PIK3C2G: variants seen among roughly 807,000 people sequenced by gnomAD.
The protein encoded by PIK3C2G is phosphatidylinositol-4-phosphate 3-kinase catalytic subunit type 2 gamma, also known as phosphatidylinositol 3-kinase C2 domain-containing subunit gamma.
In PIK3C2G, 168 loss-of-function variants were observed where a neutral mutation model predicts 181.1. That is an observed-to-expected ratio of 0.93 (90% CI 0.82 to 1.05). The LOEUF (loss-of-function observed/expected upper bound fraction) is 1.05, where lower values mean the gene tolerates loss of function less well. Among genes scored for constraint, PIK3C2G ranks in the 50% least tolerant of loss-of-function variants. The probability of loss-of-function intolerance (pLI) is 0.00; values close to 1 mark genes in which losing one functional copy is unlikely to be tolerated. For missense variants in PIK3C2G, 1,869 were observed against 1,732.8 expected (o/e 1.08, Z -1.40); for synonymous variants, 573 against 592.2 (o/e 0.97, Z 0.47).
At chr12:18,712,971 T>A in the PIK3C2G span, 6 of 1,613,820 alleles carry the variant, frequency 3.7e-6, no homozygotes, top group African/African-American at 1.3e-5. Flanking sequence ...AACAACGGCA[T>A]CCTTTCACAA....
At chr12:18,454,958 G>C (rs1013960205) in intron 18 of PIK3C2G, among the ~76,000 whole-genome samples, 2 of 152,108 alleles carry the variant, frequency 1.3e-5, no homozygotes, top group African/African-American at 4.8e-5. Flanking sequence ...CTCTCCTCCA[G>C]GGTTTTTCTC....
chr12:18,243,245 T>C (rs1352391560), upstream of PIK3C2G, among the ~76,000 whole-genome samples: 1 of 151,564 alleles, frequency 6.6e-6, no homozygotes, highest in Admixed American at 6.6e-5. Context: ...TCAATGATAA[T>C]TTTCCTAGAT....
chr12:18,265,582 TTC>T (rs1390124016), intron 1 of PIK3C2G, among the ~76,000 whole-genome samples: 2 of 152,158 alleles, frequency 1.3e-5, no homozygotes, highest in Non-Finnish European at 2.9e-5. Flanking sequence ...GCCTACAGTT[TTC>T]TGTTACTAAT....
intron 1 of PIK3C2G, among the ~76,000 whole-genome samples, chr12:18,270,535 G>C (rs1353007303): frequency 6.6e-6 from 1 of 152,118 alleles, no homozygotes; most frequent in Non-Finnish European, 1.5e-5. Flanking sequence ...TAGTTCCCAA[G>C]TGAGGTAAAA....
chr12:18,406,442 A>G (rs576256702), intron 16 of PIK3C2G, among the ~76,000 whole-genome samples: 1 of 152,318 alleles, frequency 6.6e-6, no homozygotes, highest in East Asian at 1.9e-4. Flanking sequence ...GTTAGATTCC[A>G]TACTTCAAGT....
At chr12:18,563,537 C>T (rs768554575) in intron 28 of PIK3C2G, 39 bp downstream of exon 28, 2 of 1,598,528 alleles carry the variant, frequency 1.3e-6, no homozygotes, top group Admixed American at 3.5e-5. Context: ...GCCTTCAGTA[C>T]TTGTCCTTGA....
intron 30 of PIK3C2G, chr12:18,607,244 A>C: frequency 2.0e-6 from 1 of 494,536 alleles, no homozygotes; most frequent in Non-Finnish European, 4.0e-6. Context: ...TAATATGAGA[A>C]ACTACTAGAA....
chr12:18,290,747 T>G (rs1949656635), intron 3 of PIK3C2G, 108 bp from the exon 4 acceptor site: 1 of 725,350 alleles, frequency 1.4e-6, no homozygotes, highest in Non-Finnish European at 2.3e-6. Flanking sequence ...AAGTCTTTTA[T>G]AGCAAAACAC....
intron 5 of PIK3C2G, among the ~76,000 whole-genome samples, chr12:18,312,798 G>GT (rs1033450276): frequency 3.2e-4 from 48 of 152,102 alleles, no homozygotes; most frequent in Admixed American, 2.7e-3. Flanking sequence ...TAGGTACTAA[G>GT]TTTTTTAAGT....
At chr12:18,522,232 CA>C (rs1942967472) in intron 24 of PIK3C2G, among the ~76,000 whole-genome samples, 1 of 152,248 alleles carries the variant, frequency 6.6e-6, no homozygotes, top group Admixed American at 6.5e-5. Flanking sequence ...TTTACTTCAG[CA>C]GTTGTTTTTA....
chr12:18,597,942 G>A (rs577801110), intron 30 of PIK3C2G, among the ~76,000 whole-genome samples: 2,238 of 152,122 alleles, frequency 0.015, 19 homozygotes, highest in Middle Eastern at 0.034. Flanking sequence ...AACTTACAAG[G>A]GATGTGAAGG....
rs145654253 is a variant in PIK3C2G, at chr12:18,307,756, T to C, written c.1035-6206T>C. Among the ~76,000 whole-genome samples the C allele has an allele frequency of 3.4e-3, 521 of 152,052 alleles. 4 individuals carry two copies. Among genetic ancestry groups the C allele is most frequent in the African/African-American group, 0.012 (496 of 41,550 alleles). Reference sequence around the variant, plus strand: ...TCCCACCCTTCTTTCTATTATTTAATGCTTTTTCTCTCTTTTCTTTTTCAT... The same window carrying C: ...TCCCACCCTTCTTTCTATTATTTAACGCTTTTTCTCTCTTTTCTTTTTCAT... On this transcript the variant is annotated intron_variant, in intron 5 of 32. Transcript: ENST00000538779.
At chr12:18,397,177 T>C (rs61914534) in intron 15 of PIK3C2G, among the ~76,000 whole-genome samples, 1 of 151,800 alleles carries the variant, frequency 6.6e-6, no homozygotes, top group Admixed American at 6.6e-5. Flanking sequence ...AAATGAAAAA[T>C]GTACTTTCAG....
At chr12:18,510,897 T>C (rs1473133871) in intron 24 of PIK3C2G, among the ~76,000 whole-genome samples, 1 of 152,158 alleles carries the variant, frequency 6.6e-6, no homozygotes, top group African/African-American at 2.4e-5. Flanking sequence ...ACATTACTAT[T>C]GACTGTAGTC....
At chr12:18,390,849 T>C (rs984187093) in intron 14 of PIK3C2G, among the ~76,000 whole-genome samples, 1 of 152,154 alleles carries the variant, frequency 6.6e-6, no homozygotes, top group Non-Finnish European at 1.5e-5. Flanking sequence ...GGAGAGACCA[T>C]ATATTATTAT....
intron 1 of PIK3C2G, among the ~76,000 whole-genome samples, chr12:18,278,302 G>A (rs1216707109): frequency 6.6e-6 from 1 of 152,144 alleles, no homozygotes; most frequent in Non-Finnish European, 1.5e-5. Flanking sequence ...GACGTCTTAT[G>A]TTCCTAGCCA....
At chr12:18,384,316 A>G (rs1176533211) in intron 14 of PIK3C2G, among the ~76,000 whole-genome samples, 2 of 152,306 alleles carry the variant, frequency 1.3e-5, no homozygotes, top group Non-Finnish European at 2.9e-5. Flanking sequence ...CTTCAGTTTT[A>G]AGAATGAACA....
At chr12:18,407,619 A>T (rs1944613650) in intron 16 of PIK3C2G, among the ~76,000 whole-genome samples, 1 of 152,184 alleles carries the variant, frequency 6.6e-6, no homozygotes, top group South Asian at 2.1e-4. Flanking sequence ...AGTGTAAAAC[A>T]ACAGTTGTTA....
At chr12:18,355,862 T>A (rs545799135) in intron 11 of PIK3C2G, among the ~76,000 whole-genome samples, 1 of 152,328 alleles carries the variant, frequency 6.6e-6, no homozygotes, top group South Asian at 2.1e-4. Context: ...TCATTGCTGC[T>A]GTTTGTAGTA....
Sources: gnomAD v4.1 joint callset for allele counts (sites outside exome capture counted in the v4.1 genomes callset) on GRCh38, gnomAD v4.1.1 for gene constraint, MANE v1.5 for transcripts, NCBI Gene and HGNC (gene_info 2026-07-23, HGNC 2026-07-21) for gene names.